The following ST13 variants were observed in gnomAD, a reference collection of about 807,000 sequenced individuals.
The protein encoded by ST13 is ST13 Hsp70 interacting protein, also known as hsc70-interacting protein.
A neutral mutation model predicts 56.7 loss-of-function variants in ST13; 23 were observed. That is an observed-to-expected ratio of 0.41 (90% CI 0.29 to 0.57). ST13 has a LOEUF of 0.57. Ranked by LOEUF, ST13 falls within the 20% of genes least tolerant of loss-of-function variation. The pLI is 0.36. For synonymous variants in ST13, 132 were observed against 142.4 expected (o/e 0.93, Z 0.52); for missense variants, 369 against 459.9 (o/e 0.80, Z 1.81).
intron 5 of ST13, 153 bp from the exon 6 acceptor site, chr22:40,836,040 A>G: frequency 1.6e-6 from 1 of 616,828 alleles, no homozygotes; most frequent in Non-Finnish European, 2.8e-6. Flanking sequence ...TGGCTCTTGA[A>G]AGCAAATCTT....
intron 2 of ST13, 94 bp from the exon 3 acceptor site, chr22:40,848,463 A>C: frequency 2.4e-6 from 2 of 845,476 alleles, no homozygotes; most frequent in Non-Finnish European, 3.8e-6. Flanking sequence ...ACTGTCAAAT[A>C]TGGCCAGGCA....
intron 4 of ST13, among the ~76,000 whole-genome samples, chr22:40,840,922 C>T (rs1304326650): frequency 1.3e-5 from 2 of 152,154 alleles, no homozygotes; most frequent in Non-Finnish European, 2.9e-5. Flanking sequence ...GAGACATAAC[C>T]TTTGCTTAAC....
chr22:40,841,266 A>C (rs1028596350), intron 4 of ST13, among the ~76,000 whole-genome samples: 3 of 151,200 alleles, frequency 2.0e-5, no homozygotes, highest in Non-Finnish European at 4.4e-5. Context: ...GCTACTCAGG[A>C]GGCTGAGTTA....
At chr22:40,847,858 C>T (rs759457968) in intron 3 of ST13, among the ~76,000 whole-genome samples, 1 of 151,986 alleles carries the variant, frequency 6.6e-6, no homozygotes, top group Non-Finnish European at 1.5e-5. Context: ...GCCAGCCTTG[C>T]CAACATGGTG....
chr22:40,853,991 T>C (rs565472565), intron 1 of ST13, among the ~76,000 whole-genome samples: 94 of 152,362 alleles, frequency 6.2e-4, no homozygotes, highest in African/African-American at 2.2e-3. Flanking sequence ...AGAAAGACTT[T>C]TAGTATTTCT....
chr22:40,855,992 T>C (rs572056765), intron 1 of ST13, among the ~76,000 whole-genome samples: 2 of 152,292 alleles, frequency 1.3e-5, no homozygotes, highest in East Asian at 3.9e-4. Context: ...GTTTTGTAAC[T>C]TTTAACTTAC....
chr22:40,831,453 A>G (rs9623244), intron 8 of ST13, among the ~76,000 whole-genome samples: 4,295 of 152,322 alleles, frequency 0.028, 198 homozygotes, highest in African/African-American at 0.096. Flanking sequence ...TGCTATAGGG[A>G]TTAAGAGGGA....
chr22:40,852,298 G>C (rs1419710110), intron 1 of ST13, among the ~76,000 whole-genome samples: 1 of 152,172 alleles, frequency 6.6e-6, no homozygotes, highest in Non-Finnish European at 1.5e-5. Flanking sequence ...CATTGCAGTT[G>C]AGTCCCTTTT....
intron 5 of ST13, among the ~76,000 whole-genome samples, chr22:40,836,548 T>TA (rs1409931894): frequency 6.6e-6 from 1 of 152,094 alleles, no homozygotes; most frequent in African/African-American, 2.4e-5. Flanking sequence ...TCCATTAAAT[T>TA]AAAAAGAAAA....
In ST13 at chr22:40,840,708, AAATC is replaced by A. The variant is rs748498297; in HGVS notation, c.316-20_316-17del. 1 of 1,602,544 alleles carries A rather than the reference AAATC, an allele frequency of 6.2e-7. No individual in the cohort carries two copies. The highest frequency in any genetic ancestry group is 1.1e-5 in the South Asian group (1 of 89,230). On this transcript the variant is annotated splice_polypyrimidine_tract_variant and intron_variant, in intron 4 of 11. Coordinates refer to ENST00000216218, the MANE Select transcript of ST13 (RefSeq NM_003932.5). Reference sequence around the variant, plus strand: ...CCTCCGTTATCTAGGAAGAAAATAAAAATCATCTTAGAATTAGTAGAGAGAGAGA... The same window carrying A: ...CCTCCGTTATCTAGGAAGAAAATAAAATCTTAGAATTAGTAGAGAGAGAGA...
At position 40,850,863 on chromosome 22, in the gene ST13, G is replaced by A. The variant is rs903596699; in HGVS notation, c.128C>T (p.Pro43Leu). The A allele has an allele frequency of 6.3e-7, 1 of 1,599,660 alleles. No homozygotes were observed. The highest frequency in any genetic ancestry group is 2.2e-5 in the East Asian group (1 of 44,600). ...EWVESMGGKV[P>L]PATQKAKSEE... is the part of the protein sequence containing the mutation. ...TGATTTAGCTTTCTGAGTAGCAGGT[G>A]GTACTTTACCACCCATGCTTGAAGA... Residue 43 changes from proline to leucine, a missense_variant, in exon 2 of 12, where the codon CCA (proline) becomes CTA (leucine). This residue lies in a region of ST13 where 169 missense variants were observed against 175.6 expected (regional missense o/e 0.96). Coordinates refer to ENST00000216218, the MANE Select transcript of ST13 (RefSeq NM_003932.5).
At position 40,845,231 on chromosome 22, in the gene ST13, A is replaced by G. The variant is rs60426533; in HGVS notation, c.245-322T>C. ...TTGTCAACAAACTGATTTAGTTCAA[A>G]TAATTTTTTTCTACACACTGATGTA... On this transcript the variant is annotated intron_variant, in intron 3 of 11. Coordinates refer to ENST00000216218, the MANE Select transcript of ST13 (RefSeq NM_003932.5). Among the ~76,000 whole-genome samples the G allele has an allele frequency of 4.7e-3, 718 of 152,304 alleles. 9 individuals carry two copies. The highest frequency in any genetic ancestry group is 0.016 in the African/African-American group (685 of 41,558).
At chr22:40,839,804 A>T (rs2057794309) in intron 5 of ST13, among the ~76,000 whole-genome samples, 1 of 151,628 alleles carries the variant, frequency 6.6e-6, no homozygotes, top group African/African-American at 2.4e-5. Context: ...AAACAGAAAA[A>T]AGAAAAAAAT....
intron 1 of ST13, 55 bp downstream of exon 1, chr22:40,856,376 C>T: frequency 6.7e-7 from 1 of 1,486,932 alleles, no homozygotes; most frequent in Admixed American, 1.7e-5. Context: ...CAGCCTGGCT[C>T]CCCCCTGGGG....
chr22:40,851,150 C>G (rs1390862032), intron 1 of ST13, among the ~76,000 whole-genome samples: 2 of 150,124 alleles, frequency 1.3e-5, no homozygotes, highest in East Asian at 3.9e-4. Context: ...TGTGCCTCTT[C>G]CCAGAGGAAA....
At chr22:40,850,412 A>G (rs1230083506) in intron 2 of ST13, among the ~76,000 whole-genome samples, 2 of 152,212 alleles carry the variant, frequency 1.3e-5, no homozygotes, top group East Asian at 1.9e-4. Flanking sequence ...ACACTCACAA[A>G]TATCACTCAG....
At chr22:40,851,063 A>C (rs1287501926) in intron 1 of ST13, among the ~76,000 whole-genome samples, 183 bp from the exon 2 acceptor site, 1 of 152,192 alleles carries the variant, frequency 6.6e-6, no homozygotes, top group Non-Finnish European at 1.5e-5. Flanking sequence ...CCAGCTTAAA[A>C]TTTATTTTAA....
At chr22:40,842,804 G>C (rs1480314919) in intron 4 of ST13, among the ~76,000 whole-genome samples, 1 of 152,110 alleles carries the variant, frequency 6.6e-6, no homozygotes, top group African/African-American at 2.4e-5. Context: ...AACCTTTAAA[G>C]TTTCCTTTGA....
intron 5 of ST13, among the ~76,000 whole-genome samples, chr22:40,836,457 AAAAAT>A (rs1234374254): frequency 6.6e-6 from 1 of 152,170 alleles, no homozygotes; most frequent in Non-Finnish European, 1.5e-5. Flanking sequence ...AAATAAAAAT[AAAAAT>A]AAAAGAAAAA....
Sources: gnomAD v4.1 joint callset for allele counts (sites outside exome capture counted in the v4.1 genomes callset) on GRCh38, gnomAD v4.1.1 for gene constraint, gnomAD v4.1.1 regional missense constraint, MANE v1.5 for transcripts, NCBI Gene and HGNC (gene_info 2026-07-23, HGNC 2026-07-21) for gene names.